DNAH8: variants seen among roughly 807,000 people sequenced by gnomAD.
DNAH8 encodes the protein axonemal beta dynein heavy chain 8.
In DNAH8, 382 loss-of-function variants were observed where a neutral mutation model predicts 562.1. The ratio of observed to expected loss-of-function variants is 0.68; its 90% CI spans 0.63 to 0.74. The LOEUF (loss-of-function observed/expected upper bound fraction) is 0.74, where lower values mean the gene tolerates loss of function less well. DNAH8 is among the 30% of genes least tolerant of loss of function. DNAH8 has a pLI of 0.00. For missense variants in DNAH8, 5,203 were observed against 5,620.4 expected (o/e 0.93, Z 2.37); for synonymous variants, 1,881 against 1,919.4 (o/e 0.98, Z 0.52).
chr6:38,726,863 T>G (rs550397518), intron 3 of DNAH8, among the ~76,000 whole-genome samples: 2,134 of 144,898 alleles, frequency 0.015, 45 homozygotes, highest in South Asian at 0.11. Context: ...TTTTTTTTTT[T>G]TTTTTTTTTT....
At chr6:38,821,788 T>C (rs908733390) in intron 26 of DNAH8, among the ~76,000 whole-genome samples, 1 of 152,174 alleles carries the variant, frequency 6.6e-6, no homozygotes, top group Admixed American at 6.6e-5. Flanking sequence ...TCACGAAATC[T>C]TGGACTCAAA....
chr6:38,731,801 G>A (rs1268518335), intron 4 of DNAH8, among the ~76,000 whole-genome samples: 1 of 152,084 alleles, frequency 6.6e-6, no homozygotes, highest in Non-Finnish European at 1.5e-5. Flanking sequence ...TGCAGCCTCC[G>A]CCTCCCGGGT....
intron 1 of DNAH8, among the ~76,000 whole-genome samples, chr6:38,721,859 AT>A (rs986269071): frequency 2.6e-5 from 4 of 152,140 alleles, no homozygotes; most frequent in Non-Finnish European, 4.4e-5. Flanking sequence ...TGTCCTCAGA[AT>A]TTCTCACTAG....
chr6:38,765,189 G>A (rs992489904), intron 11 of DNAH8, among the ~76,000 whole-genome samples: 5 of 152,132 alleles, frequency 3.3e-5, no homozygotes, highest in Non-Finnish European at 7.3e-5. Context: ...TGAGTTGTTT[G>A]AGTTCCTTAT....
At chr6:38,952,072 A>C (rs1258272624) in intron 82 of DNAH8, among the ~76,000 whole-genome samples, 1 of 152,196 alleles carries the variant, frequency 6.6e-6, no homozygotes, top group African/African-American at 2.4e-5. Context: ...ACTGCAGTAA[A>C]TGTTTCATAG....
chr6:38,775,814 G>C lies in DNAH8; in HGVS notation c.1825G>C (p.Gly609Arg). The change falls in exon 13 of 93, where the codon GGA (glycine) becomes CGA (arginine). Residue 609 changes from glycine (G) to arginine (R), a missense_variant. Gly to Arg is a moderately radical substitution (Grantham distance 125). Coordinates refer to ENST00000327475, the MANE Select transcript of DNAH8 (RefSeq NM_001206927.2). Reference protein sequence around the residue: ...YSTLSNSTIEGIDIMAIKFRN... With the variant: ...YSTLSNSTIERIDIMAIKFRN... ...AACCTTGAGTAATTCTACCATAGAA[G>C]GAATAGATATTATGGCAATAAAATT... is the stretch of plus-strand genomic sequence containing the variant. The C allele has an allele frequency of 1.3e-6, 2 of 1,597,082 alleles. No individual in the cohort carries two copies. The highest frequency in any genetic ancestry group is 1.7e-6 in the Non-Finnish European group (2 of 1,164,880).
chr6:38,724,113 G>C (rs1056051668), intron 3 of DNAH8, among the ~76,000 whole-genome samples: 7 of 152,022 alleles, frequency 4.6e-5, no homozygotes, highest in African/African-American at 1.7e-4. Context: ...GAGTAGCTGG[G>C]ATTTCAGGCA....
At chr6:39,006,634 T>C (rs924011416) in intron 88 of DNAH8, among the ~76,000 whole-genome samples, 14 of 152,216 alleles carry the variant, frequency 9.2e-5, no homozygotes, top group African/African-American at 3.1e-4. Context: ...TTGTGTTTGC[T>C]TCCATCAGGT....
chr6:38,747,384 CT>C (rs55729629), intron 8 of DNAH8, among the ~76,000 whole-genome samples: 37,083 of 111,934 alleles, frequency 0.33, 4,030 homozygotes, highest in African/African-American at 0.41. Flanking sequence ...TTTTCTTTTT[CT>C]TTTTTTTTTT....
At position 38,873,391 on chromosome 6, in the gene DNAH8, T is replaced by G. The variant is rs1166332841; in HGVS notation, c.7620+15T>G. ...ATATTGTGCAAGTAAGATTTTTTTT[T>G]GTACATTTACTACTTCGATTTTGAT... On this transcript the variant is annotated intron_variant, in intron 52 of 92. Coordinates refer to ENST00000327475, the MANE Select transcript of DNAH8 (RefSeq NM_001206927.2). The G allele has an allele frequency of 6.4e-7, 1 of 1,573,902 alleles. No individual in the cohort carries two copies.
rs771237620 is a variant in DNAH8 at position 38,850,257 on chromosome 6, A to G, written c.5206A>G (p.Lys1736Glu). The G allele has an allele frequency of 6.2e-7, 1 of 1,612,736 alleles. No homozygotes were observed. Among genetic ancestry groups the G allele is most frequent in the South Asian group, 1.1e-5 (1 of 90,804 alleles). Reference sequence around the variant, plus strand: ...GCTATGGATGCATTTTCAGGAAGCAAAACGTTTTCAGAATATTGACAAGTC... The same window carrying G: ...GCTATGGATGCATTTTCAGGAAGCAGAACGTTTTCAGAATATTGACAAGTC... ...DIAKQLPQEA[K>E]RFQNIDKSWI... The change falls in exon 38 of 93, where the codon AAA becomes GAA. Residue 1736 changes from lysine to glutamate, a missense_variant. Physicochemically the swap from Lys to Glu is moderately conservative, Grantham distance 56. Transcript: ENST00000327475.
At chr6:38,829,187 G>A (rs1332223083) in intron 30 of DNAH8, among the ~76,000 whole-genome samples, 7 of 152,028 alleles carry the variant, frequency 4.6e-5, no homozygotes, top group Admixed American at 4.6e-4. Context: ...AAATTTTGTT[G>A]TCTTTTTACT....
At chr6:38,888,277 G>A (rs1433451962) in intron 57 of DNAH8, among the ~76,000 whole-genome samples, 1 of 152,128 alleles carries the variant, frequency 6.6e-6, no homozygotes, top group Non-Finnish European at 1.5e-5. Context: ...TGGAAGGCAA[G>A]GCTGTAAAAC....
intron 41 of DNAH8, 86 bp from the exon 42 acceptor site, chr6:38,857,432 A>C (rs1346321671): frequency 1.2e-6 from 1 of 829,196 alleles, no homozygotes; most frequent in East Asian, 2.6e-5. Context: ...TTTTAGTTTA[A>C]AATGTGAATA....
intron 85 of DNAH8, among the ~76,000 whole-genome samples, chr6:38,980,092 G>A (rs559012585): frequency 6.6e-6 from 1 of 152,224 alleles, no homozygotes; most frequent in East Asian, 1.9e-4. Flanking sequence ...CAATGTTTCT[G>A]AGTCCACTTC....
At chr6:38,976,517 C>CA (rs1763686286) in intron 85 of DNAH8, among the ~76,000 whole-genome samples, 1 of 152,058 alleles carries the variant, frequency 6.6e-6, no homozygotes, top group Non-Finnish European at 1.5e-5. Flanking sequence ...TAGAAAAATC[C>CA]AAAATTCTTC....
In DNAH8 at chr6:38,929,638, A is replaced by G; in HGVS notation, c.11246A>G (p.Asn3749Ser). The change falls in exon 75 of 93, where the codon AAT becomes AGT. Residue 3749 changes from asparagine to serine, a missense_variant. Asn to Ser is a conservative substitution (Grantham distance 46). Transcript: ENST00000327475. ...GCCTTGGATAATGTATTAGAAAAGA[A>G]TTTTATTAAATCTGGCACCACTTTC... is the stretch of plus-strand genomic sequence containing the variant. ...DPALDNVLEK[N>S]FIKSGTTFKV... 1 of 1,586,148 alleles carries G rather than the reference A, an allele frequency of 6.3e-7. No homozygotes were observed. Among genetic ancestry groups the G allele is most frequent in the African/African-American group, 1.4e-5 (1 of 74,004 alleles).
intron 91 of DNAH8, among the ~76,000 whole-genome samples, chr6:39,014,391 A>G (rs910621688): frequency 2.4e-4 from 37 of 152,164 alleles, no homozygotes; most frequent in African/African-American, 8.7e-4. Context: ...CTGGCTGGGG[A>G]GCATGAAGTA....
rs771853970 is a variant in DNAH8, at chr6:38,826,300, G to A, written c.3992G>A (p.Arg1331His). The stretch of plus-strand genomic sequence containing the variant: ...TTGAAAAAGTTATCTAGACCTATTC[G>A]TGATTTAGATGATGTCAGATTTGCA... ...EYLKKLSRPI[R>H]DLDDVRFAME... The change falls in exon 29 of 93, where the codon CGT (arginine) becomes CAT (histidine). Residue 1331 changes from arginine (R) to histidine (H), a missense_variant. By Grantham distance (29) the Arg-to-His change is conservative. Around this residue, in one of 6 missense-constraint regions of DNAH8, gnomAD observed 2,176 missense variants for 2,365.1 expected, o/e 0.92. Transcript: ENST00000327475. 20 of 1,613,240 alleles carry A rather than the reference G, an allele frequency of 1.2e-5. No homozygotes were observed. In the Middle Eastern group the frequency reaches 6.6e-4, roughly 53 times the overall value.
Sources: gnomAD v4.1 joint callset for allele counts (sites outside exome capture counted in the v4.1 genomes callset) on GRCh38, gnomAD v4.1.1 for gene constraint, gnomAD v4.1.1 regional missense constraint, MANE v1.5 for transcripts, NCBI Gene and HGNC (gene_info 2026-07-23, HGNC 2026-07-21) for gene names.